The following CLEC16A variants were observed in gnomAD, a reference collection of about 807,000 sequenced individuals.
The protein encoded by CLEC16A is C-type lectin domain containing 16A.
Under a neutral mutation model 109.5 loss-of-function variants are expected in CLEC16A, and 51 were observed. That is an observed-to-expected ratio of 0.47 (90% CI 0.37 to 0.59). The LOEUF is 0.59. Among genes scored for constraint, CLEC16A ranks in the 20% least tolerant of loss-of-function variants. The pLI is 0.00. For missense variants in CLEC16A, 1,339 were observed against 1,394.0 expected, an observed-to-expected ratio of 0.96 and a Z score of 0.63; for synonymous variants, 673 against 564.2, an observed-to-expected ratio of 1.19 and a Z score of -2.73.
intron 19 of CLEC16A, among the ~76,000 whole-genome samples, chr16:11,080,334 G>A (rs1374910831): frequency 3.9e-5 from 6 of 152,228 alleles, no homozygotes; most frequent in Non-Finnish European, 8.8e-5. Context: ...GGCCCTTGCT[G>A]GGGGTGGGTG....
chr16:10,978,349 G>C (rs1462132568), intron 8 of CLEC16A, among the ~76,000 whole-genome samples: 1 of 152,222 alleles, frequency 6.6e-6, no homozygotes, highest in Non-Finnish European at 1.5e-5. Flanking sequence ...GCCTCAGCAG[G>C]AGGCAGGACA....
At chr16:10,955,008 CGT>C (rs1421319498) in intron 1 of CLEC16A, among the ~76,000 whole-genome samples, 5 of 152,248 alleles carry the variant, frequency 3.3e-5, no homozygotes, top group South Asian at 2.1e-4. Context: ...TGCATGGTCA[CGT>C]TGCCTCTCTG....
At chr16:10,995,703 C>T (rs556541388) in intron 10 of CLEC16A, among the ~76,000 whole-genome samples, 1 of 152,302 alleles carries the variant, frequency 6.6e-6, no homozygotes, top group South Asian at 2.1e-4. Flanking sequence ...CTCTGTTTTA[C>T]AGATGAGGAA....
intron 22 of CLEC16A, among the ~76,000 whole-genome samples, chr16:11,144,583 A>G (rs928977935): frequency 8.5e-5 from 13 of 152,174 alleles, no homozygotes; most frequent in African/African-American, 3.1e-4. Context: ...TGCCTGTAGG[A>G]TCTTCCCCAG....
chr16:11,074,091 C>T (rs986782397), intron 19 of CLEC16A, among the ~76,000 whole-genome samples: 1 of 152,206 alleles, frequency 6.6e-6, no homozygotes, highest in African/African-American at 2.4e-5. Context: ...TTGATTTCAA[C>T]GTTTGAGCTA....
At chr16:11,050,363 G>T (rs1017928140) in intron 17 of CLEC16A, among the ~76,000 whole-genome samples, 4 of 152,194 alleles carry the variant, frequency 2.6e-5, no homozygotes, top group African/African-American at 9.6e-5. Flanking sequence ...AGGTATCTGG[G>T]CCACTGAGCC....
At chr16:11,135,308 A>G (rs1041281116) in intron 22 of CLEC16A, among the ~76,000 whole-genome samples, 1 of 152,146 alleles carries the variant, frequency 6.6e-6, no homozygotes, top group African/African-American at 2.4e-5. Flanking sequence ...GCCTCAGGGA[A>G]TCTGGAGCTG....
intron 22 of CLEC16A, among the ~76,000 whole-genome samples, chr16:11,134,893 C>T (rs914594977): frequency 1.3e-5 from 2 of 152,236 alleles, no homozygotes; most frequent in African/African-American, 4.8e-5. Context: ...TCCCCTCTTC[C>T]GTCATCCACC....
chr16:11,040,029 G>C lies in CLEC16A; in HGVS notation c.1660+153G>C, dbSNP rs2047235499. 4.3e-6 allele frequency: 4 copies of C among 923,096 alleles called. No homozygotes were observed. In the East Asian group the frequency reaches 1.1e-4, roughly 26 times the overall value. The allele number at this position is 923,096 out of a possible 1,614,324, so 57.2% of individuals were successfully genotyped here. A position where few individuals can be genotyped will look rare whatever the true frequency, so the allele number is the denominator to read the frequency against. ...TCTGCCTCTCAACCCCTGCATCCTG[G>C]GCCAGCCCTCCTGCCTGCTGGGACT... On this transcript the variant is annotated intron_variant, in intron 14 of 23. Coordinates refer to ENST00000409790, the MANE Select transcript of CLEC16A (RefSeq NM_015226.3).
At chr16:11,042,213 C>A (rs758446149) in intron 14 of CLEC16A, 41 bp from the exon 15 acceptor site, 2 of 1,491,962 alleles carry the variant, frequency 1.3e-6, no homozygotes, top group South Asian at 2.4e-5. Flanking sequence ...TAAGGGCGCC[C>A]CACCCTGGGT....
chr16:11,128,352 G>A (rs966871741), intron 22 of CLEC16A, among the ~76,000 whole-genome samples: 1 of 152,202 alleles, frequency 6.6e-6, no homozygotes, highest in African/African-American at 2.4e-5. Context: ...CAGGAGTGTG[G>A]CCCGGCTCCA....
chr16:11,145,300 C>A (rs1363816918), intron 22 of CLEC16A, among the ~76,000 whole-genome samples: 1 of 152,168 alleles, frequency 6.6e-6, no homozygotes, highest in East Asian at 1.9e-4. Context: ...CCCGTGGGGC[C>A]CGATGACCCA....
At chr16:10,999,592 G>A (rs1389487023) in intron 10 of CLEC16A, among the ~76,000 whole-genome samples, 1 of 152,132 alleles carries the variant, frequency 6.6e-6, no homozygotes, top group Non-Finnish European at 1.5e-5. Context: ...CCTATCAATG[G>A]ACATTTAGGT....
intron 17 of CLEC16A, among the ~76,000 whole-genome samples, chr16:11,050,736 CAG>C (rs1482453995): frequency 1.3e-5 from 2 of 152,216 alleles, no homozygotes; most frequent in Non-Finnish European, 2.9e-5. Context: ...CCTCTGAGCT[CAG>C]TGTCCCTTTT....
At chr16:11,008,103 G>T (rs189264409) in intron 11 of CLEC16A, among the ~76,000 whole-genome samples, 1 of 152,198 alleles carries the variant, frequency 6.6e-6, no homozygotes, top group African/African-American at 2.4e-5. Flanking sequence ...GGGGCTGTTT[G>T]CTTCTTGAAA....
intron 12 of CLEC16A, 125 bp from the exon 13 acceptor site, chr16:11,024,696 C>G (rs1467588815): frequency 1.5e-6 from 1 of 688,080 alleles, no homozygotes; most frequent in Non-Finnish European, 2.6e-6. Context: ...GGTGCTGGAC[C>G]AGGCACACAG....
chr16:11,137,929 A>G (rs2053645733), intron 22 of CLEC16A, among the ~76,000 whole-genome samples: 1 of 152,262 alleles, frequency 6.6e-6, no homozygotes, highest in Non-Finnish European at 1.5e-5. Flanking sequence ...GCAGAGATGC[A>G]GCAATAATGG....
At chr16:11,045,178 T>G (rs1215525054) in intron 16 of CLEC16A, among the ~76,000 whole-genome samples, 1 of 151,374 alleles carries the variant, frequency 6.6e-6, no homozygotes, top group Non-Finnish European at 1.5e-5. Flanking sequence ...ACCCTGTCTT[T>G]ACTAAGAAAT....
chr16:10,986,895 C>A (rs1038536457), intron 10 of CLEC16A, among the ~76,000 whole-genome samples: 1 of 151,744 alleles, frequency 6.6e-6, no homozygotes, highest in African/African-American at 2.4e-5. Flanking sequence ...GCTCTGTCGC[C>A]CAGGCTGGAG....
Sources: gnomAD v4.1 joint callset for allele counts (sites outside exome capture counted in the v4.1 genomes callset) on GRCh38, gnomAD v4.1.1 for gene constraint, MANE v1.5 for transcripts, NCBI Gene and HGNC (gene_info 2026-07-23, HGNC 2026-07-21) for gene names.